FGF12: variants seen among roughly 807,000 people sequenced by gnomAD.
FGF12 encodes fibroblast growth factor 12B.
In FGF12, 14 loss-of-function variants were observed where a neutral mutation model predicts 23.6. The observed-to-expected ratio is 0.59, with a 90% CI of 0.39 to 0.93. The LOEUF (loss-of-function observed/expected upper bound fraction) is 0.93, where lower values mean the gene tolerates loss of function less well. Among genes scored for constraint, FGF12 ranks in the 40% least tolerant of loss-of-function variants. The pLI is 0.00. For missense variants in FGF12, 175 were observed against 217.8 expected (o/e 0.80, Z 1.24); for synonymous variants, 62 against 77.3 (o/e 0.80, Z 1.04).
intron 2 of FGF12, among the ~76,000 whole-genome samples, chr3:192,478,566 A>G (rs1346770229): frequency 6.6e-6 from 1 of 152,186 alleles, no homozygotes; most frequent in Non-Finnish European, 1.5e-5. Context: ...TTCCCTAAGT[A>G]TAACTTTTCA....
chr3:192,311,812 C>G (rs1342096358), intron 4 of FGF12, among the ~76,000 whole-genome samples: 1 of 152,208 alleles, frequency 6.6e-6, no homozygotes, highest in South Asian at 2.1e-4. Context: ...TATTATCAGT[C>G]TTTTTTAATA....
Position 192,399,288 on chromosome 3 carries a change from A to G in FGF12, c.14-38750T>C, listed in dbSNP as rs73889317. Among the ~76,000 whole-genome samples, 666 of 152,268 alleles carry G rather than the reference A, an allele frequency of 4.4e-3. 6 individuals carry two copies. The highest frequency in any genetic ancestry group is 0.016 in the African/African-American group (646 of 41,534). On this transcript the variant is annotated intron_variant, in intron 2 of 5. Transcript: ENST00000445105. The stretch of plus-strand genomic sequence containing the variant: ...TGAATGGGATTAGTGGTCTTACAAA[A>G]GAGACCCCAGGGAGCTCCCTTGCCC...
At chr3:192,644,256 C>G (rs141113414) in intron 2 of FGF12, among the ~76,000 whole-genome samples, 2 of 152,254 alleles carry the variant, frequency 1.3e-5, no homozygotes, top group East Asian at 3.9e-4. Context: ...ATAACTTAGT[C>G]TGAACATACC....
At chr3:192,539,865 T>C (rs957699608) in intron 2 of FGF12, among the ~76,000 whole-genome samples, 95 of 152,086 alleles carry the variant, frequency 6.2e-4, no homozygotes, top group African/African-American at 2.3e-3. Context: ...TTTTTTCATG[T>C]TTCAATCTTG....
chr3:192,218,909 T>C (rs1718333090), intron 4 of FGF12, among the ~76,000 whole-genome samples: 1 of 152,172 alleles, frequency 6.6e-6, no homozygotes, highest in South Asian at 2.1e-4. Flanking sequence ...ACAACACAAA[T>C]GTATCTTCCA....
At position 192,703,647 on chromosome 3, in the gene FGF12, G is replaced by A. The variant is rs1445948997; in HGVS notation, c.13+23534C>T. ...TGGAGTAAATCCTCTCAAACCCTGTGATATGGTTTGGTTCTGTGTCCCCAC... is the reference window on the plus strand; with the variant it reads ...TGGAGTAAATCCTCTCAAACCCTGTAATATGGTTTGGTTCTGTGTCCCCAC... On this transcript the variant is annotated intron_variant, in intron 2 of 5. Transcript: ENST00000445105. Among the ~76,000 whole-genome samples, 3 of 152,180 alleles carry A rather than the reference G, an allele frequency of 2.0e-5. No homozygotes were observed. In the East Asian group the frequency reaches 5.8e-4, roughly 29 times the overall value.
intron 5 of FGF12, among the ~76,000 whole-genome samples, chr3:192,158,960 G>C (rs1714711716): frequency 6.6e-6 from 1 of 151,642 alleles, no homozygotes; most frequent in Non-Finnish European, 1.5e-5. Flanking sequence ...GTGTTCTTTG[G>C]TGTCCCTCTC....
intron 2 of FGF12, among the ~76,000 whole-genome samples, chr3:192,617,633 C>T (rs1447562916): frequency 2.0e-5 from 3 of 152,142 alleles, no homozygotes; most frequent in Admixed American, 1.3e-4. Context: ...ACCTGAGGCT[C>T]TTATTAAAAT....
At chr3:192,652,492 C>T (rs1028581411) in intron 2 of FGF12, among the ~76,000 whole-genome samples, 11 of 152,188 alleles carry the variant, frequency 7.2e-5, no homozygotes, top group Admixed American at 6.5e-4. Context: ...AAAATATCCT[C>T]TCTATGTTTT....
At chr3:192,332,187 A>C (rs112757959) in intron 4 of FGF12, among the ~76,000 whole-genome samples, 20 of 152,264 alleles carry the variant, frequency 1.3e-4, no homozygotes, top group Non-Finnish European at 2.9e-4. Flanking sequence ...AGGTTGTGAT[A>C]TTTACTAGCA....
intron 4 of FGF12, among the ~76,000 whole-genome samples, chr3:192,252,462 CAAAAAAAAAAAAAAAA>C (rs56920518): frequency 3.6e-4 from 10 of 27,510 alleles, no homozygotes; most frequent in South Asian, 2.1e-3. Context: ...GAATCTGTCT[CAAAAAAAAAAAAAAAA>C]AAAAAAAAAA....
At chr3:192,434,930 C>T (rs762679864) in intron 2 of FGF12, among the ~76,000 whole-genome samples, 9 of 151,910 alleles carry the variant, frequency 5.9e-5, no homozygotes, top group African/African-American at 1.9e-4. Flanking sequence ...CAGGTCTATG[C>T]GCATGTTTCT....
intron 4 of FGF12, among the ~76,000 whole-genome samples, chr3:192,266,685 A>G (rs1053431718): frequency 3.3e-5 from 5 of 152,010 alleles, no homozygotes; most frequent in African/African-American, 1.2e-4. Flanking sequence ...AACTTTTAAT[A>G]CTTTCCATTT....
chr3:192,179,320 C>A (rs751177380), intron 4 of FGF12, among the ~76,000 whole-genome samples: 35 of 152,056 alleles, frequency 2.3e-4, no homozygotes, highest in Non-Finnish European at 5.1e-4. Context: ...AATAAAGGTT[C>A]TTTGTTAACA....
chr3:192,224,869 G>A (rs554595224), intron 4 of FGF12, among the ~76,000 whole-genome samples: 121 of 152,136 alleles, frequency 8.0e-4, no homozygotes, highest in Non-Finnish European at 1.3e-3. Flanking sequence ...GTAGGTTACA[G>A]CAGTAGTTTT....
At chr3:192,265,643 GT>G (rs141066657) in intron 4 of FGF12, among the ~76,000 whole-genome samples, 1,683 of 149,388 alleles carry the variant, frequency 0.011, 28 homozygotes, top group African/African-American at 0.039. Context: ...CTATAAATGA[GT>G]TTTTTTTTTA....
At chr3:192,584,557 T>C (rs1713295624) in intron 2 of FGF12, among the ~76,000 whole-genome samples, 1 of 152,122 alleles carries the variant, frequency 6.6e-6, no homozygotes, top group Admixed American at 6.6e-5. Context: ...CGATTTCACA[T>C]AGAGGTTTGG....
intron 2 of FGF12, among the ~76,000 whole-genome samples, chr3:192,473,111 T>G (rs1306501485): frequency 6.6e-6 from 1 of 152,206 alleles, no homozygotes; most frequent in Non-Finnish European, 1.5e-5. Context: ...AGTTTACTCA[T>G]CTTTGTAATT....
chr3:192,202,828 A>G (rs943875398), intron 4 of FGF12, among the ~76,000 whole-genome samples: 1 of 152,222 alleles, frequency 6.6e-6, no homozygotes, highest in Admixed American at 6.5e-5. Flanking sequence ...AAAAAGTGCT[A>G]TAACACAGTG....
Sources: gnomAD v4.1 joint callset for allele counts (sites outside exome capture counted in the v4.1 genomes callset) on GRCh38, gnomAD v4.1.1 for gene constraint, MANE v1.5 for transcripts, NCBI Gene and HGNC (gene_info 2026-07-23, HGNC 2026-07-21) for gene names.